CACNA1C: variants seen among roughly 807,000 people sequenced by gnomAD.
CACNA1C encodes the protein voltage-dependent L-type calcium channel subunit alpha-1C.
CACNA1C carries 30 observed loss-of-function variants against 229.0 expected under a neutral mutation model. The ratio of observed to expected loss-of-function variants is 0.13; its 90% CI spans 0.10 to 0.18. CACNA1C has a LOEUF of 0.18. Ranked by LOEUF, CACNA1C falls within the 10% of genes least tolerant of loss-of-function variation. The probability of loss-of-function intolerance (pLI) is 1.00; values close to 1 mark genes in which losing one functional copy is unlikely to be tolerated. For synonymous variants in CACNA1C, 1,114 were observed against 1,132.5 expected, an observed-to-expected ratio of 0.98 and a Z score of 0.33; for missense variants, 1,658 against 2,845.0, an observed-to-expected ratio of 0.58 and a Z score of 9.49.
rs115255101 is a variant in CACNA1C at position 2,489,888 on chromosome 12, G to A, written c.917-3302G>A. Among the ~76,000 whole-genome samples, 258 of 152,222 alleles carry A rather than the reference G, an allele frequency of 1.7e-3. 1 individual carries two copies. The highest frequency in any genetic ancestry group is 6.8e-3 in the Middle Eastern group (2 of 294). On this transcript the variant is annotated intron_variant, in intron 6 of 46. Transcript: ENST00000399655. The stretch of plus-strand genomic sequence containing the variant: ...GTAGAACCTGCATTGCTTTGTTTCT[G>A]TCTCCCACTTCATGTTCCCACTTTC...
intron 3 of CACNA1C, among the ~76,000 whole-genome samples, chr12:2,436,574 G>C (rs2099136741): frequency 6.6e-6 from 1 of 152,190 alleles, no homozygotes; most frequent in South Asian, 2.1e-4. Flanking sequence ...CTCCCACACA[G>C]GCTGGGAGCT....
intron 1 of CACNA1C, among the ~76,000 whole-genome samples, chr12:2,023,895 C>T (rs2046884927): frequency 6.6e-6 from 1 of 152,216 alleles, no homozygotes; most frequent in African/African-American, 2.4e-5. Flanking sequence ...TTATGAATGC[C>T]TTCAAAGTGG....
At chr12:2,563,855 C>T (rs114187453) in intron 11 of CACNA1C, among the ~76,000 whole-genome samples, 60 of 152,372 alleles carry the variant, frequency 3.9e-4, no homozygotes, top group African/African-American at 1.4e-3. Flanking sequence ...GGAGCTGTCC[C>T]TGCCCCCTGG....
rs1347539405 is a variant in CACNA1C, at chr12:2,410,713, T to C, written c.478-38263T>C. Among the ~76,000 whole-genome samples the C allele has an allele frequency of 2.0e-5, 3 of 147,400 alleles. No homozygotes were observed. Among genetic ancestry groups the C allele is most frequent in the Non-Finnish European group, 3.0e-5 (2 of 66,808 alleles). On this transcript the variant is annotated intron_variant, in intron 3 of 46. Coordinates refer to ENST00000399655, the MANE Select transcript of CACNA1C (RefSeq NM_000719.7). This position sits in a 1 kb window ranked among gnomAD's most constrained non-coding sequence, Gnocchi z 5.3. Reference sequence around the variant, plus strand: ...GATGGCTCGCCTGTGTGTGTGTGTGTGCGTGCACGCATGTGTGTGTGTGCA... The same window carrying C: ...GATGGCTCGCCTGTGTGTGTGTGTGCGCGTGCACGCATGTGTGTGTGTGCA...
intron 3 of CACNA1C, among the ~76,000 whole-genome samples, chr12:2,367,070 C>T (rs923058897): frequency 6.6e-6 from 1 of 152,134 alleles, no homozygotes; most frequent in Non-Finnish European, 1.5e-5. Flanking sequence ...TGGGTGGGTA[C>T]ACAGAGCCAA....
chr12:2,553,260 G>T (rs887728097), intron 10 of CACNA1C, among the ~76,000 whole-genome samples: 9 of 152,200 alleles, frequency 5.9e-5, no homozygotes, highest in African/African-American at 2.2e-4. Flanking sequence ...CTGCAGCGGT[G>T]CAAGATTTCA....
intron 2 of CACNA1C, among the ~76,000 whole-genome samples, chr12:2,116,139 G>T (rs1432361079): frequency 6.6e-6 from 1 of 152,160 alleles, no homozygotes; most frequent in Non-Finnish European, 1.5e-5. Context: ...AGACCACTCA[G>T]TTCCACCTAG....
At chr12:2,326,873 A>G (rs897812317) in intron 3 of CACNA1C, among the ~76,000 whole-genome samples, 1 of 152,256 alleles carries the variant, frequency 6.6e-6, no homozygotes. Context: ...GGTAGGCATC[A>G]ACAACTGCTT....
chr12:2,068,157 T>C (rs1353917666), intron 1 of CACNA1C, among the ~76,000 whole-genome samples: 1 of 152,216 alleles, frequency 6.6e-6, no homozygotes, highest in Non-Finnish European at 1.5e-5. Flanking sequence ...GAATGTTTCA[T>C]GAAAGGATGT....
chr12:2,578,069 C>T (rs990334194), intron 13 of CACNA1C, among the ~76,000 whole-genome samples: 17 of 151,912 alleles, frequency 1.1e-4, no homozygotes, highest in East Asian at 7.8e-4. Flanking sequence ...GGGGTTTCAC[C>T]GTGTTAGCCA....
intron 3 of CACNA1C, among the ~76,000 whole-genome samples, chr12:2,155,755 C>T (rs912862452): frequency 1.2e-4 from 18 of 152,078 alleles, no homozygotes; most frequent in East Asian, 1.9e-4. Context: ...TTAGAGCCAC[C>T]GGAGGTGGGA....
At chr12:2,100,083 T>C (rs2075735077) in intron 1 of CACNA1C, among the ~76,000 whole-genome samples, 1 of 152,154 alleles carries the variant, frequency 6.6e-6, no homozygotes, top group Non-Finnish European at 1.5e-5. Context: ...TCAGCACGTG[T>C]ATATTACCTG....
chr12:2,004,288 G>C, intron 1 of CACNA1C: 2 of 1,613,124 alleles, frequency 1.2e-6, no homozygotes, highest in Non-Finnish European at 1.7e-6. Flanking sequence ...GCACCCACTC[G>C]TTGGCCCGAT....
intron 9 of CACNA1C, among the ~76,000 whole-genome samples, chr12:2,529,988 G>A (rs755362057): frequency 1.3e-5 from 2 of 152,190 alleles, no homozygotes; most frequent in Middle Eastern, 3.2e-3. Flanking sequence ...GTTTGATTTC[G>A]TCCATTATGT....
chr12:2,172,001 T>C (rs1044154401), intron 3 of CACNA1C, among the ~76,000 whole-genome samples: 1 of 152,172 alleles, frequency 6.6e-6, no homozygotes, highest in African/African-American at 2.4e-5. Context: ...GAGACCAGTC[T>C]CTGAACCGAG....
At chr12:2,431,012 C>A (rs2099077979) in intron 3 of CACNA1C, among the ~76,000 whole-genome samples, 1 of 152,222 alleles carries the variant, frequency 6.6e-6, no homozygotes, top group South Asian at 2.1e-4. Context: ...TCCTGCCCTG[C>A]AGGCAGAGGG....
intron 6 of CACNA1C, among the ~76,000 whole-genome samples, chr12:2,490,131 T>C (rs1263872706): frequency 6.6e-6 from 1 of 152,266 alleles, no homozygotes; most frequent in Non-Finnish European, 1.5e-5. Context: ...ATTGTTCAAA[T>C]CGGATTTTAA....
At chr12:2,503,815 C>T (rs909110183) in intron 7 of CACNA1C, among the ~76,000 whole-genome samples, 2 of 152,236 alleles carry the variant, frequency 1.3e-5, no homozygotes, top group African/African-American at 2.4e-5. Flanking sequence ...GCTGTGGTTG[C>T]AGTCACAGGA....
At chr12:2,627,827 C>T (rs1400672503) in intron 29 of CACNA1C, among the ~76,000 whole-genome samples, 2 of 152,174 alleles carry the variant, frequency 1.3e-5, no homozygotes, top group Non-Finnish European at 2.9e-5. Context: ...CTAATCCAGC[C>T]CCGAAGTCCT....
Sources: allele counts gnomAD v4.1 joint callset (sites outside exome capture counted in the v4.1 genomes callset), GRCh38; gene constraint gnomAD v4.1.1; non-coding constraint Gnocchi (gnomAD v3.1); transcripts MANE v1.5; gene names NCBI Gene and HGNC (gene_info 2026-07-23, HGNC 2026-07-21).